LRRC4C: variants seen among roughly 807,000 people sequenced by gnomAD.
LRRC4C encodes the protein leucine rich repeat containing 4C.
In LRRC4C, 5 loss-of-function variants were observed where a neutral mutation model predicts 33.6. The observed-to-expected ratio is 0.15, with a 90% CI of 0.08 to 0.31. The LOEUF (loss-of-function observed/expected upper bound fraction) is 0.31. Ranked by LOEUF, LRRC4C falls within the 10% of genes least tolerant of loss-of-function variation. The probability of loss-of-function intolerance (pLI) is 1.00; values close to 1 mark genes in which losing one functional copy is unlikely to be tolerated. For missense variants in LRRC4C, 560 were observed against 796.7 expected (o/e 0.70, Z 3.58); for synonymous variants, 329 against 302.0 (o/e 1.09, Z -0.93).
rs191620621 is a variant in LRRC4C, at chr11:40,301,335, A to G, written c.-176+18293T>C. On this transcript the variant is annotated intron_variant, in intron 4 of 6. Coordinates refer to ENST00000528697, the MANE Select transcript of LRRC4C (RefSeq NM_001258419.2). ...ATTAAATGTTTCTAAGGGAGAAGGT[A>G]TGTGTGCATAGATACTATGTGGTAG... Among the ~76,000 whole-genome samples, 6 of 152,320 alleles carry G rather than the reference A, an allele frequency of 3.9e-5. No individual in the cohort carries two copies. In the East Asian group the frequency reaches 1.2e-3, roughly 29 times the overall value.
chr11:40,429,540 A>G (rs1950837225), intron 3 of LRRC4C, among the ~76,000 whole-genome samples: 1 of 151,054 alleles, frequency 6.6e-6, no homozygotes, highest in South Asian at 2.1e-4. Flanking sequence ...TGGATCTCCA[A>G]AATCTTTTGA....
intron 2 of LRRC4C, among the ~76,000 whole-genome samples, chr11:40,844,128 G>C (rs2135677244): frequency 6.6e-6 from 1 of 152,010 alleles, no homozygotes; most frequent in African/African-American, 2.4e-5. Flanking sequence ...GTAGATGGTT[G>C]TACCTTTAAA....
intron 1 of LRRC4C, among the ~76,000 whole-genome samples, chr11:41,325,781 T>G (rs1007161914): frequency 6.6e-6 from 1 of 152,082 alleles, no homozygotes; most frequent in Non-Finnish European, 1.5e-5. Flanking sequence ...GTATGCCCAA[T>G]TTTTAGTATA....
chr11:41,430,884 C>T (rs1400067941), intron 1 of LRRC4C, among the ~76,000 whole-genome samples: 1 of 151,888 alleles, frequency 6.6e-6, no homozygotes, highest in Non-Finnish European at 1.5e-5. Context: ...TCCCCTACCA[C>T]TATAATATAT....
chr11:41,096,609 G>A (rs1301662819), intron 1 of LRRC4C, among the ~76,000 whole-genome samples: 1 of 152,136 alleles, frequency 6.6e-6, no homozygotes, highest in Non-Finnish European at 1.5e-5. Flanking sequence ...GAATAAAAAA[G>A]GAGATAGGGA....
chr11:40,468,974 G>T (rs917296648), intron 3 of LRRC4C, among the ~76,000 whole-genome samples: 1 of 152,146 alleles, frequency 6.6e-6, no homozygotes, highest in African/African-American at 2.4e-5. Flanking sequence ...TGTAAAATCT[G>T]TAAAAATCTG....
intron 1 of LRRC4C, among the ~76,000 whole-genome samples, chr11:41,437,412 C>A (rs34719939): frequency 0.1 from 15,587 of 148,840 alleles, 1,106 homozygotes; most frequent in Non-Finnish European, 0.15. Context: ...CACACACAAA[C>A]GCGCGCGCGC....
chr11:40,742,532 C>G (rs1234833559), intron 2 of LRRC4C, among the ~76,000 whole-genome samples: 1 of 151,892 alleles, frequency 6.6e-6, no homozygotes, highest in Non-Finnish European at 1.5e-5. Flanking sequence ...AAATTAATAG[C>G]AAGTAGATGG....
chr11:40,586,809 G>A (rs1338806261), intron 3 of LRRC4C, among the ~76,000 whole-genome samples: 2 of 152,106 alleles, frequency 1.3e-5, no homozygotes, highest in African/African-American at 4.8e-5. Context: ...ATTTCTGAGG[G>A]CTCTGTTCTG....
chr11:40,405,561 C>T (rs1949931217), intron 3 of LRRC4C, among the ~76,000 whole-genome samples: 1 of 138,272 alleles, frequency 7.2e-6, no homozygotes, highest in Admixed American at 7.8e-5. Context: ...CACTTGAACC[C>T]AGGAGGCAGA....
At chr11:40,829,753 T>C (rs1478045600) in intron 2 of LRRC4C, among the ~76,000 whole-genome samples, 1 of 152,022 alleles carries the variant, frequency 6.6e-6, no homozygotes, top group African/African-American at 2.4e-5. Flanking sequence ...AACCCATATA[T>C]TGATATTGAT....
intron 2 of LRRC4C, among the ~76,000 whole-genome samples, chr11:40,747,198 C>T (rs1013545885): frequency 6.6e-6 from 1 of 152,172 alleles, no homozygotes; most frequent in Non-Finnish European, 1.5e-5. Context: ...CCACTGGGGC[C>T]CAAAGATCAG....
At chr11:40,577,839 T>G (rs544374568) in intron 3 of LRRC4C, among the ~76,000 whole-genome samples, 1 of 141,640 alleles carries the variant, frequency 7.1e-6, no homozygotes, top group Non-Finnish European at 1.5e-5. Context: ...TTTCTTTTTT[T>G]TTTTTTTTTT....
intron 2 of LRRC4C, among the ~76,000 whole-genome samples, chr11:40,875,596 A>G (rs1269529552): frequency 6.6e-6 from 1 of 152,104 alleles, no homozygotes; most frequent in African/African-American, 2.4e-5. Context: ...AAGAAATCCT[A>G]AATCCAATAC....
chr11:40,242,949 T>G (rs1434409250), intron 4 of LRRC4C, among the ~76,000 whole-genome samples: 1 of 152,206 alleles, frequency 6.6e-6, no homozygotes, highest in Non-Finnish European at 1.5e-5. Flanking sequence ...ATAAGATTTT[T>G]TATTCCAGTC....
chr11:41,048,397 T>G (rs2138083445), intron 1 of LRRC4C, among the ~76,000 whole-genome samples: 1 of 151,684 alleles, frequency 6.6e-6, no homozygotes, highest in Non-Finnish European at 1.5e-5. Flanking sequence ...CCTGAGTAGC[T>G]GGGATTGCAG....
intron 1 of LRRC4C, among the ~76,000 whole-genome samples, chr11:41,177,797 A>C (rs147144275): frequency 6.6e-6 from 1 of 152,368 alleles, no homozygotes; most frequent in African/African-American, 2.4e-5. Flanking sequence ...ATATATAGGC[A>C]ATCACATCGC....
intron 4 of LRRC4C, among the ~76,000 whole-genome samples, chr11:40,262,212 C>T (rs1941900225): frequency 6.6e-6 from 1 of 151,814 alleles, no homozygotes; most frequent in Non-Finnish European, 1.5e-5. Flanking sequence ...TTTATGGAGG[C>T]AACAAACATG....
At chr11:40,230,752 T>C (rs1865140750) in intron 5 of LRRC4C, among the ~76,000 whole-genome samples, 1 of 152,150 alleles carries the variant, frequency 6.6e-6, no homozygotes, top group Non-Finnish European at 1.5e-5. Flanking sequence ...CAGCAGCATG[T>C]AGGTGGTAGA....
Sources: gnomAD v4.1 joint callset for allele counts (sites outside exome capture counted in the v4.1 genomes callset) on GRCh38, gnomAD v4.1.1 for gene constraint, MANE v1.5 for transcripts, NCBI Gene and HGNC (gene_info 2026-07-23, HGNC 2026-07-21) for gene names.